PDE10A: variants seen among roughly 807,000 people sequenced by gnomAD.
PDE10A encodes phosphodiesterase 10A.
PDE10A carries 39 observed loss-of-function variants against 97.7 expected under a neutral mutation model. The ratio of observed to expected loss-of-function variants is 0.40; its 90% CI spans 0.31 to 0.52. PDE10A has a LOEUF of 0.52. PDE10A is among the 20% of genes least tolerant of loss of function. PDE10A has a pLI of 0.56. For synonymous variants in PDE10A, 371 were observed against 376.8 expected (o/e 0.98, Z 0.18); for missense variants, 731 against 1,047.8 (o/e 0.70, Z 4.17).
chr6:165,772,079 T>C (rs1407052730), intron 1 of PDE10A, among the ~76,000 whole-genome samples: 2 of 152,228 alleles, frequency 1.3e-5, no homozygotes, highest in African/African-American at 4.8e-5. Flanking sequence ...CTTAAAAAAT[T>C]CGTATTTCCG....
intron 10 of PDE10A, among the ~76,000 whole-genome samples, chr6:165,422,042 TGACAG>T (rs138376680): frequency 0.076 from 11,578 of 152,152 alleles, 1,028 homozygotes; most frequent in African/African-American, 0.19. Context: ...CCAGCCAGGG[TGACAG>T]TGCCAGACCC....
chr6:165,793,995 A>T (rs1258805144), intron 1 of PDE10A, among the ~76,000 whole-genome samples: 1 of 152,168 alleles, frequency 6.6e-6, no homozygotes, highest in Non-Finnish European at 1.5e-5. Flanking sequence ...CACAAAAATT[A>T]ATGCCAGTCC....
intron 1 of PDE10A, among the ~76,000 whole-genome samples, chr6:165,927,254 A>G (rs1300648867): frequency 1.3e-5 from 2 of 152,198 alleles, no homozygotes; most frequent in African/African-American, 4.8e-5. Context: ...ACTACCTGGA[A>G]TTCATCCTAA....
chr6:165,760,012 A>C (rs1708538228), intron 1 of PDE10A, among the ~76,000 whole-genome samples: 1 of 152,236 alleles, frequency 6.6e-6, no homozygotes, highest in Non-Finnish European at 1.5e-5. Context: ...GTACTGAACC[A>C]GTGTTAGTAT....
chr6:165,793,566 C>G (rs1366135163), intron 1 of PDE10A, among the ~76,000 whole-genome samples: 1 of 152,194 alleles, frequency 6.6e-6, no homozygotes, highest in Non-Finnish European at 1.5e-5. Context: ...AACCTGTGCT[C>G]TCCACACCCC....
At position 165,430,343 on chromosome 6, in the gene PDE10A, T is replaced by C. The variant is rs2128237323; in HGVS notation, c.1545A>G (p.Val515=). The C allele has an allele frequency of 1.3e-6, 2 of 1,585,750 alleles. No individual in the cohort carries two copies. The highest frequency in any genetic ancestry group is 2.2e-5 in the East Asian group (1 of 44,646). The change falls in exon 9 of 22, where the codon GTA becomes GTG. Residue 515 remains valine, a splice_region_variant and synonymous_variant. Coordinates refer to ENST00000539869, the MANE Select transcript of PDE10A (RefSeq NM_001385079.1). ...WASVAIHQVQ[V]CRGLAKQTEL... ...CTGTCTGTTTGGCAAGGCCTCTGCA[T>C]ACCTACCATATAAAATAATAGGTAC...
chr6:165,619,469 G>GTAGTGTAGTC (rs1787980168), intron 1 of PDE10A, among the ~76,000 whole-genome samples: 4 of 36,208 alleles, frequency 1.1e-4, no homozygotes, highest in Non-Finnish European at 2.0e-4. Context: ...GTAGTCTAGT[G>GTAGTGTAGTC]TAGTGTAGTC....
chr6:165,335,342 C>A (rs141557561), intron 21 of PDE10A, among the ~76,000 whole-genome samples: 1 of 152,226 alleles, frequency 6.6e-6, no homozygotes, highest in Admixed American at 6.5e-5. Context: ...CCTCTTCCTG[C>A]ACAGGCATCC....
intron 2 of PDE10A, among the ~76,000 whole-genome samples, chr6:165,537,869 T>G (rs1052990664): frequency 4.6e-5 from 7 of 151,944 alleles, no homozygotes; most frequent in Admixed American, 3.3e-4. Flanking sequence ...GTGTCCAAAA[T>G]TAGGTTTCAT....
chr6:165,596,241 T>G (rs1786584840), intron 1 of PDE10A, among the ~76,000 whole-genome samples: 1 of 152,196 alleles, frequency 6.6e-6, no homozygotes. Context: ...CCTGAAAAAG[T>G]ATCCGCAATC....
intron 1 of PDE10A, among the ~76,000 whole-genome samples, chr6:165,943,748 C>T (rs1783664914): frequency 6.6e-6 from 1 of 152,214 alleles, no homozygotes; most frequent in Admixed American, 6.5e-5. Context: ...AATTCAAATG[C>T]TAATATCTTC....
At chr6:165,677,803 A>T (rs1405784953) in intron 1 of PDE10A, among the ~76,000 whole-genome samples, 1 of 151,844 alleles carries the variant, frequency 6.6e-6, no homozygotes, top group East Asian at 1.9e-4. Flanking sequence ...ATATTTGTAT[A>T]TGCATGTGTT....
At chr6:165,647,489 T>C (rs953539505) in intron 1 of PDE10A, among the ~76,000 whole-genome samples, 1 of 152,094 alleles carries the variant, frequency 6.6e-6, no homozygotes, top group African/African-American at 2.4e-5. Flanking sequence ...TTTCAAAAAA[T>C]AGCTTCCCCT....
At chr6:165,514,628 G>A (rs1781687044) in intron 2 of PDE10A, among the ~76,000 whole-genome samples, 1 of 152,160 alleles carries the variant, frequency 6.6e-6, no homozygotes, top group African/African-American at 2.4e-5. Context: ...AGCCTGGCCG[G>A]CCCTCCGCTA....
At chr6:165,783,328 C>A (rs762507878) in intron 1 of PDE10A, among the ~76,000 whole-genome samples, 15 of 152,176 alleles carry the variant, frequency 9.9e-5, no homozygotes, top group Non-Finnish European at 2.1e-4. Flanking sequence ...ATCAGTTCTA[C>A]TAAGATACAG....
At chr6:165,387,906 A>C (rs1785417691) in intron 17 of PDE10A, among the ~76,000 whole-genome samples, 1 of 152,188 alleles carries the variant, frequency 6.6e-6, no homozygotes, top group Non-Finnish European at 1.5e-5. Context: ...CAGTGTAAAA[A>C]AAGAAAGGCT....
intron 1 of PDE10A, among the ~76,000 whole-genome samples, chr6:165,731,528 G>T (rs1014418693): frequency 2.0e-5 from 3 of 152,228 alleles, no homozygotes; most frequent in Non-Finnish European, 4.4e-5. Context: ...GAGCAGAATA[G>T]AAAGAGAAGA....
chr6:165,788,001 T>C (rs894390090), intron 1 of PDE10A, among the ~76,000 whole-genome samples: 1 of 152,226 alleles, frequency 6.6e-6, no homozygotes, highest in African/African-American at 2.4e-5. Flanking sequence ...AATGAGAGTG[T>C]GATGTATAGA....
intron 1 of PDE10A, among the ~76,000 whole-genome samples, chr6:165,801,987 T>G (rs1432097515): frequency 1.3e-5 from 2 of 152,004 alleles, no homozygotes; most frequent in Non-Finnish European, 2.9e-5. Context: ...AGAGGAAAAA[T>G]GTAAAGGCCT....
Sources: gnomAD v4.1 joint callset for allele counts (sites outside exome capture counted in the v4.1 genomes callset) on GRCh38, gnomAD v4.1.1 for gene constraint, MANE v1.5 for transcripts, NCBI Gene and HGNC (gene_info 2026-07-23, HGNC 2026-07-21) for gene names.